The following PAX5 variants were observed in gnomAD, a reference collection of about 807,000 sequenced individuals.
The protein encoded by PAX5 is paired box 5.
A neutral mutation model predicts 43.7 loss-of-function variants in PAX5; 9 were observed. The ratio of observed to expected loss-of-function variants is 0.21; its 90% CI spans 0.12 to 0.36. The LOEUF (loss-of-function observed/expected upper bound fraction) is 0.36, where lower values mean the gene tolerates loss of function less well. PAX5 is among the 10% of genes least tolerant of loss of function. The pLI, the probability that PAX5 is intolerant of heterozygous loss-of-function variation, is 1.00. For missense variants in PAX5, 383 were observed against 532.7 expected, an observed-to-expected ratio of 0.72 and a Z score of 2.77; for synonymous variants, 228 against 214.3, an observed-to-expected ratio of 1.06 and a Z score of -0.56.
At chr9:36,904,614 G>GAAAAAAAAAAAA (rs912908030) in intron 7 of PAX5, among the ~76,000 whole-genome samples, 1 of 145,502 alleles carries the variant, frequency 6.9e-6, no homozygotes. Context: ...ACTTGGCCAA[G>GAAAAAAAAAAAA]AAAAAAAAAA....
At chr9:37,017,388 C>T (rs1214643418) in intron 2 of PAX5, among the ~76,000 whole-genome samples, 1 of 152,182 alleles carries the variant, frequency 6.6e-6, no homozygotes, top group Admixed American at 6.5e-5. Flanking sequence ...AGTGCTCTTC[C>T]CGCTACAGCA....
In PAX5 at chr9:36,966,620, G is replaced by A. The variant is rs1834461853; in HGVS notation, c.709C>T (p.Leu237=). 1 of 1,614,226 alleles carries A rather than the reference G, an allele frequency of 6.2e-7. No homozygotes were observed. Among genetic ancestry groups the A allele is most frequent in the Non-Finnish European group, 8.5e-7 (1 of 1,180,034 alleles). ...DLFTQQQLEV[L]DRVFERQHYS... ...TGCTGCCTCTCAAACACGCGGTCCA[G>A]CACCTCCAGCTGCTGCTGTGTGAAC... is the stretch of plus-strand genomic sequence containing the variant. The change falls in exon 6 of 10, where the codon CTG becomes TTG. Residue 237 remains leucine, a synonymous_variant. Transcript: ENST00000358127.
At chr9:37,023,115 T>G (rs1839996180) in intron 1 of PAX5, among the ~76,000 whole-genome samples, 1 of 151,806 alleles carries the variant, frequency 6.6e-6, no homozygotes, top group South Asian at 2.1e-4. Flanking sequence ...GAGTGGGAAC[T>G]GAATGAGACA....
chr9:36,961,868 C>G (rs1365693380), intron 6 of PAX5, among the ~76,000 whole-genome samples: 1 of 152,230 alleles, frequency 6.6e-6, no homozygotes, highest in Non-Finnish European at 1.5e-5. Flanking sequence ...GCTTTCTTTT[C>G]TTTTCTTCCT....
intron 1 of PAX5, among the ~76,000 whole-genome samples, chr9:37,031,332 G>C (rs1840961217): frequency 6.6e-6 from 1 of 152,174 alleles, no homozygotes; most frequent in Non-Finnish European, 1.5e-5. Context: ...AACAAATCCT[G>C]AGATGTGACT....
intron 6 of PAX5, among the ~76,000 whole-genome samples, chr9:36,952,233 C>CTTT (rs1833064161): frequency 7.1e-5 from 3 of 42,168 alleles, no homozygotes; most frequent in Non-Finnish European, 1.7e-4. Context: ...TGACCATCTC[C>CTTT]CTTTTTTTTT....
intron 8 of PAX5, among the ~76,000 whole-genome samples, chr9:36,847,817 C>T (rs2131595110): frequency 6.6e-6 from 1 of 152,284 alleles, no homozygotes; most frequent in Admixed American, 6.5e-5. Flanking sequence ...TTACTACTGG[C>T]CAGGTCACTA....
intron 8 of PAX5, among the ~76,000 whole-genome samples, chr9:36,850,916 T>A (rs1404794003): frequency 1.3e-5 from 2 of 152,204 alleles, no homozygotes; most frequent in East Asian, 3.8e-4. Context: ...CAAAGCCTCA[T>A]GGGACTGGGC....
intron 7 of PAX5, among the ~76,000 whole-genome samples, chr9:36,892,909 A>G (rs529816809): frequency 6.6e-6 from 1 of 152,268 alleles, no homozygotes; most frequent in Non-Finnish European, 1.5e-5. Flanking sequence ...GCTAGTAAAA[A>G]GAGGATAAAA....
At chr9:36,928,782 T>G (rs1281520261) in intron 6 of PAX5, among the ~76,000 whole-genome samples, 2 of 152,118 alleles carry the variant, frequency 1.3e-5, no homozygotes, top group African/African-American at 4.8e-5. Flanking sequence ...TATCAGGCAT[T>G]CAACACTTTT....
intron 8 of PAX5, among the ~76,000 whole-genome samples, chr9:36,861,602 A>C (rs1432257746): frequency 6.6e-6 from 1 of 151,982 alleles, no homozygotes; most frequent in African/African-American, 2.4e-5. Flanking sequence ...AGAGTTTGCC[A>C]TATGAATATC....
intron 6 of PAX5, among the ~76,000 whole-genome samples, chr9:36,958,000 G>A (rs764977258): frequency 3.9e-5 from 6 of 152,174 alleles, no homozygotes; most frequent in Non-Finnish European, 5.9e-5. Context: ...GCCCCAAAGC[G>A]TATCTTCCCA....
intron 8 of PAX5, chr9:36,864,431 T>A (rs1037236876): frequency 1.3e-5 from 2 of 152,592 alleles, no homozygotes; most frequent in Non-Finnish European, 2.9e-5. Context: ...AGACAACGAG[T>A]GGGGAGCAGG....
chr9:36,921,144 A>G (rs916356866), intron 7 of PAX5, among the ~76,000 whole-genome samples: 3 of 152,164 alleles, frequency 2.0e-5, no homozygotes, highest in African/African-American at 7.2e-5. Flanking sequence ...TGGGAAACCA[A>G]AAAATGTGTG....
intron 6 of PAX5, among the ~76,000 whole-genome samples, chr9:36,931,338 T>C (rs533978874): frequency 6.6e-5 from 10 of 152,326 alleles, no homozygotes; most frequent in African/African-American, 1.7e-4. Flanking sequence ...GGACCTTCAC[T>C]GGAGGATCTC....
chr9:36,841,569 A>G lies in PAX5; in HGVS notation c.1100-933T>C, dbSNP rs1044458685. ...CTTTCTGCACTTCCCCCATCCCCAG[A>G]TGGAGAGCCCCCAAAAGGCAGAAGC... is the stretch of plus-strand genomic sequence containing the variant. On this transcript the variant is annotated intron_variant, in intron 9 of 9. Coordinates refer to ENST00000358127, the MANE Select transcript of PAX5 (RefSeq NM_016734.3). 2.6e-5 allele frequency among the ~76,000 whole-genome samples: 4 copies of G among 152,174 alleles called. No homozygotes were observed. The South Asian group carries it at 8.3e-4, about 32-fold the overall frequency.
rs149708683 is a variant in PAX5, at chr9:36,923,443, C to A, written c.822G>T (p.Leu274=). The change falls in exon 7 of 10, where the codon CTG becomes CTT. Residue 274 remains leucine (L), a synonymous_variant. Transcript: ENST00000358127. ...TGGCCAGATTGGCCTTCATGTCGTC[C>A]AGCCCACCAGCCAGCGAGGCCATGG... ...YSAMASLAGG[L]DDMKANLASP... The A allele has an allele frequency of 1.9e-6, 3 of 1,612,506 alleles. No individual in the cohort carries two copies. In the East Asian group the frequency reaches 6.7e-5, roughly 36 times the overall value.
intron 3 of PAX5, among the ~76,000 whole-genome samples, chr9:37,010,673 G>A (rs962052396): frequency 2.0e-5 from 3 of 151,974 alleles, no homozygotes; most frequent in African/African-American, 4.8e-5. Flanking sequence ...AAATCATGGT[G>A]CCTTGAAAAA....
chr9:36,956,299 A>G (rs1446365145), intron 6 of PAX5, among the ~76,000 whole-genome samples: 1 of 152,260 alleles, frequency 6.6e-6, no homozygotes, highest in Admixed American at 6.5e-5. Context: ...TTGACAATTC[A>G]CTTGTAATCT....
Sources: allele counts gnomAD v4.1 joint callset (sites outside exome capture counted in the v4.1 genomes callset), GRCh38; gene constraint gnomAD v4.1.1; transcripts MANE v1.5; gene names NCBI Gene and HGNC (gene_info 2026-07-23, HGNC 2026-07-21).